The following DLG2 variants were observed in gnomAD, a reference collection of about 807,000 sequenced individuals.
The protein encoded by DLG2 is discs large MAGUK scaffold protein 2.
In DLG2, 45 loss-of-function variants were observed where a neutral mutation model predicts 132.5. That is an observed-to-expected ratio of 0.34 (90% CI 0.27 to 0.44). The LOEUF is 0.44. Ranked by LOEUF, DLG2 falls within the 20% of genes least tolerant of loss-of-function variation. The pLI, the probability that DLG2 is intolerant of heterozygous loss-of-function variation, is 1.00. For synonymous variants in DLG2, 424 were observed against 419.6 expected (o/e 1.01, Z -0.13); for missense variants, 1,045 against 1,196.9 (o/e 0.87, Z 1.87).
intron 6 of DLG2, among the ~76,000 whole-genome samples, chr11:84,861,450 C>T (rs2083610594): frequency 6.6e-6 from 1 of 151,798 alleles, no homozygotes; most frequent in Admixed American, 6.6e-5. Flanking sequence ...ATACTACTGG[C>T]ATAGTAACTG....
intron 22 of DLG2, chr11:83,483,242 T>G (rs2093271141): frequency 6.2e-7 from 1 of 1,611,646 alleles, no homozygotes. Flanking sequence ...TGACCATTCC[T>G]GGAAACTTAC....
intron 3 of DLG2, among the ~76,000 whole-genome samples, chr11:85,518,669 C>A (rs746848918): frequency 6.6e-6 from 1 of 152,166 alleles, no homozygotes; most frequent in South Asian, 2.1e-4. Context: ...GCATAAGCAA[C>A]AAGGAGCCGA....
chr11:85,121,156 G>A (rs866621329), intron 5 of DLG2, among the ~76,000 whole-genome samples: 9 of 151,942 alleles, frequency 5.9e-5, no homozygotes, highest in East Asian at 3.9e-4. Context: ...AAAAGTAGCC[G>A]AACTGCTGTG....
At chr11:85,066,590 C>T (rs1341397247) in intron 6 of DLG2, among the ~76,000 whole-genome samples, 1 of 151,634 alleles carries the variant, frequency 6.6e-6, no homozygotes, top group Non-Finnish European at 1.5e-5. Context: ...AAAGATAATA[C>T]ACCATGACCA....
intron 6 of DLG2, among the ~76,000 whole-genome samples, chr11:84,714,074 G>T (rs1046644997): frequency 6.6e-6 from 1 of 151,786 alleles, no homozygotes; most frequent in Non-Finnish European, 1.5e-5. Flanking sequence ...AAAATATTAA[G>T]TTTTTACATC....
chr11:85,130,660 G>C (rs952214028), intron 5 of DLG2, among the ~76,000 whole-genome samples: 1 of 152,154 alleles, frequency 6.6e-6, no homozygotes, highest in African/African-American at 2.4e-5. Flanking sequence ...AGAGCTATTG[G>C]AAAGTGAACT....
intron 6 of DLG2, among the ~76,000 whole-genome samples, chr11:84,821,993 T>C (rs919757629): frequency 8.6e-5 from 13 of 151,968 alleles, no homozygotes; most frequent in East Asian, 7.8e-4. Context: ...CCAAATGCTA[T>C]TGTTATTTTT....
chr11:85,168,565 C>T (rs1242717170), intron 4 of DLG2, among the ~76,000 whole-genome samples: 1 of 151,962 alleles, frequency 6.6e-6, no homozygotes, highest in Non-Finnish European at 1.5e-5. Flanking sequence ...AATAGGGAAT[C>T]AAAGAAGGGT....
At chr11:83,625,913 T>C (rs2062443581) in intron 19 of DLG2, among the ~76,000 whole-genome samples, 1 of 152,240 alleles carries the variant, frequency 6.6e-6, no homozygotes, top group Non-Finnish European at 1.5e-5. Context: ...TGGATTTCCA[T>C]AGGATTGTTC....
At chr11:83,645,437 A>G (rs1000951724) in intron 18 of DLG2, among the ~76,000 whole-genome samples, 2 of 152,148 alleles carry the variant, frequency 1.3e-5, no homozygotes, top group African/African-American at 4.8e-5. Context: ...CTGTGCTGCA[A>G]TGACAGATAG....
At chr11:85,465,655 A>G (rs1286289301) in intron 3 of DLG2, among the ~76,000 whole-genome samples, 2 of 152,194 alleles carry the variant, frequency 1.3e-5, no homozygotes, top group Non-Finnish European at 2.9e-5. Context: ...TTATGGCTGC[A>G]TAGTATTCCA....
chr11:84,531,023 G>T (rs1252048507), intron 7 of DLG2, among the ~76,000 whole-genome samples: 1 of 152,130 alleles, frequency 6.6e-6, no homozygotes, highest in Non-Finnish European at 1.5e-5. Context: ...GGCTGAGGCA[G>T]GAGAATCACT....
At chr11:84,101,512 T>C (rs1475437409) in intron 9 of DLG2, among the ~76,000 whole-genome samples, 1 of 151,744 alleles carries the variant, frequency 6.6e-6, no homozygotes, top group East Asian at 1.9e-4. Flanking sequence ...TCTGCCTTCA[T>C]GGATATTCAA....
intron 9 of DLG2, among the ~76,000 whole-genome samples, chr11:84,155,276 G>T (rs1242060387): frequency 6.6e-6 from 1 of 152,124 alleles, no homozygotes; most frequent in African/African-American, 2.4e-5. Context: ...TTAGGGCCAG[G>T]AACTGGCCCT....
chr11:83,795,762 A>G lies in DLG2; in HGVS notation c.1723-8970T>C, dbSNP rs189695372. 2.2e-3 allele frequency among the ~76,000 whole-genome samples: 333 copies of G among 152,274 alleles called. 1 individual carries two copies. Among genetic ancestry groups the G allele is most frequent in the African/African-American group, 7.6e-3 (316 of 41,552 alleles). On this transcript the variant is annotated intron_variant, in intron 17 of 27. Transcript: ENST00000376104. ...AAATATTTGTCTATTTCTTAGTGCT[A>G]TAGAATGAATGATATCAGAATCAGA...
chr11:85,016,891 G>A (rs1400561074), intron 6 of DLG2, among the ~76,000 whole-genome samples: 1 of 149,650 alleles, frequency 6.7e-6, no homozygotes, highest in East Asian at 1.9e-4. Flanking sequence ...CCTCACCCTA[G>A]GCCTTTTCCT....
intron 6 of DLG2, among the ~76,000 whole-genome samples, chr11:84,971,690 A>C (rs2054118129): frequency 6.6e-6 from 1 of 152,174 alleles, no homozygotes. Context: ...TTAAAAGGGT[A>C]ATTCTTTGAT....
chr11:84,964,970 T>G (rs140668453), intron 6 of DLG2, among the ~76,000 whole-genome samples: 81 of 152,256 alleles, frequency 5.3e-4, no homozygotes, highest in African/African-American at 1.9e-3. Context: ...TTCATATCCA[T>G]GTCCTCAGCT....
intron 4 of DLG2, among the ~76,000 whole-genome samples, chr11:85,242,110 T>C (rs57490303): frequency 0.019 from 2,914 of 152,006 alleles, 86 homozygotes; most frequent in African/African-American, 0.065. Context: ...CAGCCACCCA[T>C]ACCTCACTAT....
Sources: gnomAD v4.1 joint callset for allele counts (sites outside exome capture counted in the v4.1 genomes callset) on GRCh38, gnomAD v4.1.1 for gene constraint, MANE v1.5 for transcripts, NCBI Gene and HGNC (gene_info 2026-07-23, HGNC 2026-07-21) for gene names.